The following ZNF385D variants were observed in gnomAD, a reference collection of about 807,000 sequenced individuals.
ZNF385D encodes the protein zinc finger protein 659.
In ZNF385D, 15 loss-of-function variants were observed where a neutral mutation model predicts 35.8. The ratio of observed to expected loss-of-function variants is 0.42; its 90% CI spans 0.28 to 0.64. The LOEUF (loss-of-function observed/expected upper bound fraction) is 0.64. Ranked by LOEUF, ZNF385D falls within the 30% of genes least tolerant of loss-of-function variation. The pLI is 0.23. For missense variants in ZNF385D, 474 were observed against 494.6 expected (o/e 0.96, Z 0.39); for synonymous variants, 212 against 186.8 (o/e 1.13, Z -1.10).
At chr3:21,751,347 G>A (rs2070074059), upstream of ZNF385D, 1 of 1,048,100 alleles carries the variant, frequency 9.5e-7, no homozygotes, top group Non-Finnish European at 1.2e-6. Context: ...GACTTGGGAA[G>A]GGGCGGAGTG....
At chr3:22,073,201 T>C (rs749688046) in intron 3 of ZNF385D, among the ~76,000 whole-genome samples, 1 of 152,000 alleles carries the variant, frequency 6.6e-6, no homozygotes, top group Non-Finnish European at 1.5e-5. Flanking sequence ...TGTGTTTAAG[T>C]CCCAAATAAT....
At chr3:22,186,634 TG>T (rs147958228) in intron 2 of ZNF385D, among the ~76,000 whole-genome samples, 18,678 of 152,184 alleles carry the variant, frequency 0.12, 1,500 homozygotes, top group Middle Eastern at 0.24. Flanking sequence ...GCAAATGAGC[TG>T]GGTCATAAGA....
intron 1 of ZNF385D, among the ~76,000 whole-genome samples, chr3:21,674,602 A>G (rs1175720311): frequency 6.6e-6 from 1 of 152,080 alleles, no homozygotes; most frequent in Non-Finnish European, 1.5e-5. Flanking sequence ...AACCTACATC[A>G]AAGTATTACT....
intron 3 of ZNF385D, among the ~76,000 whole-genome samples, chr3:21,811,573 G>C (rs1410162278): frequency 3.9e-5 from 6 of 152,126 alleles, no homozygotes; most frequent in Non-Finnish European, 8.8e-5. Flanking sequence ...TGTATTTGGA[G>C]GTTTCCAATG....
chr3:21,455,245 C>A (rs1202933152), intron 4 of ZNF385D, among the ~76,000 whole-genome samples: 3 of 152,154 alleles, frequency 2.0e-5, no homozygotes, highest in Non-Finnish European at 4.4e-5. Context: ...TTGTAAAGTT[C>A]ATATGGAACC....
At chr3:22,136,478 T>C (rs563353243) in intron 3 of ZNF385D, among the ~76,000 whole-genome samples, 1 of 151,762 alleles carries the variant, frequency 6.6e-6, no homozygotes, top group Non-Finnish European at 1.5e-5. Flanking sequence ...AAGTTATAGA[T>C]TGAGAGAAAA....
chr3:21,967,394 G>A (rs1213537260), intron 3 of ZNF385D, among the ~76,000 whole-genome samples: 1 of 152,084 alleles, frequency 6.6e-6, no homozygotes, highest in Admixed American at 6.6e-5. Flanking sequence ...TTCAAGCGTG[G>A]AACTTCTACT....
chr3:21,963,879 G>A (rs1246954992), intron 3 of ZNF385D, among the ~76,000 whole-genome samples: 1 of 152,028 alleles, frequency 6.6e-6, no homozygotes, highest in Non-Finnish European at 1.5e-5. Flanking sequence ...GAAAAATTCA[G>A]AGCAGAAATA....
chr3:21,709,028 G>C (rs1043722241), intron 1 of ZNF385D, among the ~76,000 whole-genome samples: 3 of 152,150 alleles, frequency 2.0e-5, no homozygotes, highest in Non-Finnish European at 4.4e-5. Flanking sequence ...GAACACATGG[G>C]TAGATTGGAA....
At chr3:21,987,342 G>T (rs1423694245) in intron 3 of ZNF385D, among the ~76,000 whole-genome samples, 1 of 124,296 alleles carries the variant, frequency 8.0e-6, no homozygotes, top group Non-Finnish European at 1.6e-5. Flanking sequence ...CTTCCTTCAG[G>T]AGCTCTTTTA....
intron 2 of ZNF385D, among the ~76,000 whole-genome samples, chr3:22,176,894 A>G (rs1694866036): frequency 6.6e-6 from 1 of 152,240 alleles, no homozygotes; most frequent in African/African-American, 2.4e-5. Flanking sequence ...ATCTACTACT[A>G]TATAAATAAT....
intron 2 of ZNF385D, among the ~76,000 whole-genome samples, chr3:22,270,994 T>C (rs144482955): frequency 5.8e-4 from 88 of 152,076 alleles, no homozygotes; most frequent in African/African-American, 2.0e-3. Flanking sequence ...ATTCTGGGTA[T>C]TTTCTGAGCA....
chr3:22,247,031 A>C (rs1444170321), intron 2 of ZNF385D, among the ~76,000 whole-genome samples: 1 of 152,150 alleles, frequency 6.6e-6, no homozygotes, highest in Admixed American at 6.6e-5. Flanking sequence ...TCATTTATAC[A>C]CTAACTCACA....
chr3:22,063,517 G>C (rs1482019708), intron 3 of ZNF385D, among the ~76,000 whole-genome samples: 2 of 152,076 alleles, frequency 1.3e-5, no homozygotes, highest in African/African-American at 4.8e-5. Context: ...CACTTGAGAA[G>C]CCCACTAAAG....
chr3:21,714,789 T>C (rs11129016), intron 1 of ZNF385D, among the ~76,000 whole-genome samples: 78,237 of 152,030 alleles, frequency 0.51, 20,871 homozygotes, highest in African/African-American at 0.66. Flanking sequence ...TTTCTGTCTC[T>C]AAAATCCCTG....
At chr3:21,915,133 C>T (rs1700135251) in intron 3 of ZNF385D, among the ~76,000 whole-genome samples, 2 of 151,560 alleles carry the variant, frequency 1.3e-5, no homozygotes, top group South Asian at 4.2e-4. Context: ...ATTCACATGG[C>T]ATGTTTTCCT....
At chr3:21,716,826 G>A (rs146775432) in intron 1 of ZNF385D, among the ~76,000 whole-genome samples, 28 of 151,996 alleles carry the variant, frequency 1.8e-4, no homozygotes, top group South Asian at 4.2e-4. Context: ...TGCCCTCAGC[G>A]CCTAACAAAA....
chr3:21,954,784 T>C (rs1484537462), intron 3 of ZNF385D, among the ~76,000 whole-genome samples: 1 of 152,092 alleles, frequency 6.6e-6, no homozygotes, highest in African/African-American at 2.4e-5. Context: ...ATGTTAGACA[T>C]CCCCACCCTC....
chr3:22,114,049 T>G (rs540694326), intron 3 of ZNF385D, among the ~76,000 whole-genome samples: 2 of 152,246 alleles, frequency 1.3e-5, no homozygotes, highest in South Asian at 4.1e-4. Context: ...TAAAAATCAT[T>G]AACATTTAAC....
Sources: allele counts gnomAD v4.1 joint callset (sites outside exome capture counted in the v4.1 genomes callset), GRCh38; gene constraint gnomAD v4.1.1; transcripts MANE v1.5; gene names NCBI Gene and HGNC (gene_info 2026-07-23, HGNC 2026-07-21).